PCDH15: variants seen among roughly 807,000 people sequenced by gnomAD.
PCDH15 encodes the protein protocadherin-15.
A neutral mutation model predicts 178.5 loss-of-function variants in PCDH15; 129 were observed. The ratio of observed to expected loss-of-function variants is 0.72; its 90% CI spans 0.63 to 0.84. PCDH15 has a LOEUF of 0.84. Ranked by LOEUF, PCDH15 falls within the 40% of genes least tolerant of loss-of-function variation. The pLI is 0.00. For synonymous variants in PCDH15, 800 were observed against 732.0 expected, an observed-to-expected ratio of 1.09 and a Z score of -1.50; for missense variants, 2,230 against 2,099.9, an observed-to-expected ratio of 1.06 and a Z score of -1.21.
intron 3 of PCDH15, among the ~76,000 whole-genome samples, chr10:54,819,209 T>C (rs1199938935): frequency 6.6e-6 from 1 of 152,042 alleles, no homozygotes; most frequent in Non-Finnish European, 1.5e-5. Flanking sequence ...GGTCCCATAT[T>C]ACATTTTAAA....
At chr10:54,923,559 G>A (rs1837546809) in intron 2 of PCDH15, among the ~76,000 whole-genome samples, 1 of 137,696 alleles carries the variant, frequency 7.3e-6, no homozygotes, top group Admixed American at 7.1e-5. Context: ...GTGAGCTTAT[G>A]CTCTTAGAAG....
In PCDH15 at chr10:54,415,851, T is replaced by G. The variant is rs1954277392; in HGVS notation, c.158-36909A>C. On this transcript the variant is annotated intron_variant, in intron 3 of 37. Transcript: ENST00000644397. ...TCTCGATTGGGTAAAAGACAATTTA[T>G]CTACATGTGATTTTCCCATACAAAT... 2.6e-5 allele frequency among the ~76,000 whole-genome samples: 4 copies of G among 152,290 alleles called. No individual in the cohort carries two copies. In the South Asian group the frequency reaches 8.3e-4, roughly 32 times the overall value.
chr10:53,880,660 T>C (rs139378030), intron 26 of PCDH15, among the ~76,000 whole-genome samples: 169 of 152,286 alleles, frequency 1.1e-3, no homozygotes, highest in African/African-American at 3.5e-3. Flanking sequence ...GCAAATATAA[T>C]TCAATTTATA....
At chr10:55,279,014 C>T (rs545989578) in intron 1 of PCDH15, among the ~76,000 whole-genome samples, 1 of 152,266 alleles carries the variant, frequency 6.6e-6, no homozygotes, top group South Asian at 2.1e-4. Flanking sequence ...CCAGCATTTA[C>T]GTGAGTTGGG....
chr10:55,588,852 T>A (rs1388975102), intron 2 of PCDH15, among the ~76,000 whole-genome samples: 2 of 151,890 alleles, frequency 1.3e-5, no homozygotes, highest in Admixed American at 1.3e-4. Flanking sequence ...GAGGCCGAGG[T>A]GGGTGGATCA....
chr10:54,087,646 TC>T (rs2094535862), intron 16 of PCDH15, among the ~76,000 whole-genome samples: 1 of 152,210 alleles, frequency 6.6e-6, no homozygotes, highest in African/African-American at 2.4e-5. Context: ...ATGCACGTCT[TC>T]ATTTCTCTTG....
chr10:54,922,676 C>T (rs981502848), intron 2 of PCDH15, among the ~76,000 whole-genome samples: 2 of 151,928 alleles, frequency 1.3e-5, no homozygotes, highest in Non-Finnish European at 2.9e-5. Flanking sequence ...ATTATAATAC[C>T]CACAATCTTC....
chr10:53,967,330 C>G (rs1195586281), intron 21 of PCDH15, among the ~76,000 whole-genome samples: 1 of 152,182 alleles, frequency 6.6e-6, no homozygotes, highest in African/African-American at 2.4e-5. Context: ...TCAACTAAAA[C>G]TCTTTCCTTT....
At chr10:54,249,789 C>T (rs187965492) in intron 8 of PCDH15, among the ~76,000 whole-genome samples, 41 of 151,796 alleles carry the variant, frequency 2.7e-4, no homozygotes, top group African/African-American at 8.7e-4. Flanking sequence ...TGTTTCAATC[C>T]ATCAAGAAAT....
intron 2 of PCDH15, among the ~76,000 whole-genome samples, chr10:55,558,898 C>G (rs1265651034): frequency 1.3e-5 from 2 of 152,052 alleles, no homozygotes; most frequent in Non-Finnish European, 1.5e-5. Flanking sequence ...AATACATGTA[C>G]AGATACGTGA....
At chr10:54,932,241 A>G (rs1025578783) in intron 2 of PCDH15, among the ~76,000 whole-genome samples, 3 of 152,314 alleles carry the variant, frequency 2.0e-5, no homozygotes, top group South Asian at 4.1e-4. Flanking sequence ...GTCACTGCCC[A>G]TGAAAACTTT....
chr10:54,438,444 C>T lies in PCDH15; in HGVS notation c.158-59502G>A, dbSNP rs73255918. ...CTCACTTCTTGCTAACACTTGCCAGCGGATACCTGAAGCCTCTTACATCTT... is the reference window on the plus strand; with the variant it reads ...CTCACTTCTTGCTAACACTTGCCAGTGGATACCTGAAGCCTCTTACATCTT... On this transcript the variant is annotated intron_variant, in intron 3 of 37. Coordinates refer to ENST00000644397, the MANE Select transcript of PCDH15 (RefSeq NM_001384140.1). Among the ~76,000 whole-genome samples the T allele has an allele frequency of 7.7e-3, 1,176 of 151,988 alleles. 16 individuals carry two copies. Among genetic ancestry groups the T allele is most frequent in the African/African-American group, 0.027 (1,108 of 41,472 alleles).
intron 2 of PCDH15, among the ~76,000 whole-genome samples, chr10:55,350,250 TATATATATATATATATATACAC>T (rs1565042893): frequency 1.6e-5 from 1 of 64,152 alleles, no homozygotes; most frequent in Admixed American, 1.5e-4. Flanking sequence ...TATATATATA[TATATATATATATATATATACAC>T]ACACACACAC....
chr10:55,103,966 C>G (rs1842624640), intron 2 of PCDH15, among the ~76,000 whole-genome samples: 1 of 151,998 alleles, frequency 6.6e-6, no homozygotes, highest in Non-Finnish European at 1.5e-5. Flanking sequence ...GTTTTACAAG[C>G]AAAAGACTAG....
intron 8 of PCDH15, among the ~76,000 whole-genome samples, chr10:54,244,298 T>C (rs1315073116): frequency 1.3e-5 from 2 of 152,216 alleles, no homozygotes; most frequent in Non-Finnish European, 2.9e-5. Flanking sequence ...GATACTTCCC[T>C]TATTTTCAAA....
At chr10:53,993,615 T>C (rs1041136013) in intron 21 of PCDH15, among the ~76,000 whole-genome samples, 9 of 152,128 alleles carry the variant, frequency 5.9e-5, no homozygotes, top group Admixed American at 5.9e-4. Flanking sequence ...TATTCTGTCT[T>C]TATGGTACCA....
At chr10:55,526,623 C>T (rs1017326029) in intron 2 of PCDH15, among the ~76,000 whole-genome samples, 5 of 152,026 alleles carry the variant, frequency 3.3e-5, no homozygotes, top group Admixed American at 3.3e-4. Context: ...TACTCGAGTG[C>T]ATCTTTGCAC....
intron 2 of PCDH15, among the ~76,000 whole-genome samples, chr10:54,567,607 T>C (rs1005917277): frequency 5.3e-5 from 8 of 152,314 alleles, no homozygotes; most frequent in African/African-American, 1.9e-4. Flanking sequence ...TGAAATAGCA[T>C]AACCTTTTGA....
intron 5 of PCDH15, among the ~76,000 whole-genome samples, chr10:54,350,475 C>A (rs1034951516): frequency 2.6e-5 from 4 of 152,122 alleles, no homozygotes; most frequent in Non-Finnish European, 5.9e-5. Context: ...TTCTCATGAT[C>A]TGCTCAAATT....
Sources: gnomAD v4.1 joint callset for allele counts (sites outside exome capture counted in the v4.1 genomes callset) on GRCh38, gnomAD v4.1.1 for gene constraint, MANE v1.5 for transcripts, NCBI Gene and HGNC (gene_info 2026-07-23, HGNC 2026-07-21) for gene names.